The following RFC3 variants were observed in gnomAD, a reference collection of about 807,000 sequenced individuals.
RFC3 encodes replication factor C subunit 3, also known as A1 38 kDa subunit.
A neutral mutation model predicts 45.1 loss-of-function variants in RFC3; 41 were observed. The ratio of observed to expected loss-of-function variants is 0.91; its 90% CI spans 0.71 to 1.18. RFC3 has a LOEUF of 1.18. RFC3 is among the 50% of genes most tolerant of loss of function. RFC3 has a pLI of 0.00. For synonymous variants in RFC3, 149 were observed against 144.0 expected, an observed-to-expected ratio of 1.03 and a Z score of -0.25; for missense variants, 423 against 428.1, an observed-to-expected ratio of 0.99 and a Z score of 0.10.
intron 8 of RFC3, among the ~76,000 whole-genome samples, chr13:33,944,966 C>T (rs905220079): frequency 6.6e-6 from 1 of 152,118 alleles, no homozygotes; most frequent in African/African-American, 2.4e-5. Context: ...CCAAAGGGCT[C>T]CCAGGCATAA....
intron 2 of RFC3, among the ~76,000 whole-genome samples, chr13:33,822,828 A>G (rs182460927): frequency 6.6e-5 from 10 of 152,306 alleles, no homozygotes; most frequent in Admixed American, 5.2e-4. Flanking sequence ...CATGGAAACT[A>G]TAGAAGAAAA....
At chr13:33,870,724 G>C (rs760246307) in intron 8 of RFC3, among the ~76,000 whole-genome samples, 1 of 152,092 alleles carries the variant, frequency 6.6e-6, no homozygotes, top group Admixed American at 6.5e-5. Flanking sequence ...ACCTAAGGTA[G>C]GACCATTGTT....
intron 8 of RFC3, among the ~76,000 whole-genome samples, chr13:33,929,944 T>G (rs1438234206): frequency 2.6e-5 from 4 of 152,160 alleles, no homozygotes; most frequent in Non-Finnish European, 4.4e-5. Flanking sequence ...AAGTTCTTAA[T>G]GTAGCTTGCC....
At chr13:33,901,095 A>G (rs1244750548) in intron 8 of RFC3, among the ~76,000 whole-genome samples, 9 of 152,000 alleles carry the variant, frequency 5.9e-5, no homozygotes, top group Non-Finnish European at 1.0e-4. Flanking sequence ...TGCCGGTGGA[A>G]ATGTAAATTA....
At chr13:33,844,598 CATT>C (rs2082224245) in intron 8 of RFC3, among the ~76,000 whole-genome samples, 1 of 152,114 alleles carries the variant, frequency 6.6e-6, no homozygotes, top group Non-Finnish European at 1.5e-5. Context: ...TAATATAACT[CATT>C]ATTTTAAACT....
At chr13:33,885,290 C>G (rs926098555) in intron 8 of RFC3, among the ~76,000 whole-genome samples, 3 of 151,502 alleles carry the variant, frequency 2.0e-5, no homozygotes, top group Non-Finnish European at 4.4e-5. Context: ...AGGAAAAAAA[C>G]TTGATCTAAT....
chr13:33,830,689 A>G lies in RFC3; in HGVS notation c.574-30A>G, dbSNP rs562185084. Reference sequence around the variant, plus strand: ...TGAATCTTAATCTGCTTTTTAATGGATTGCCCATTTTTGTTAATTTTATTT... The same window carrying G: ...TGAATCTTAATCTGCTTTTTAATGGGTTGCCCATTTTTGTTAATTTTATTT... On this transcript the variant is annotated intron_variant, in intron 5 of 8. Transcript: ENST00000380071. 16 of 1,583,364 alleles carry G rather than the reference A, an allele frequency of 1.0e-5. No homozygotes were observed. The Admixed American group carries it at 2.6e-4, about 26-fold the overall frequency.
chr13:33,966,172 T>G, exon 9 of RFC3: 1 of 1,470,566 alleles, frequency 6.8e-7, no homozygotes, highest in East Asian at 2.3e-5. Flanking sequence ...CTCTCATCTT[T>G]TAGCATGTGA....
intron 8 of RFC3, among the ~76,000 whole-genome samples, chr13:33,872,772 CA>C (rs1040475028): frequency 2.6e-5 from 3 of 116,114 alleles, no homozygotes; most frequent in Non-Finnish European, 5.2e-5. Flanking sequence ...CAAAACAGAA[CA>C]AAAAAAGAAA....
chr13:33,818,373 G>C (rs926210461), intron 1 of RFC3, 108 bp downstream of exon 1: 1 of 796,148 alleles, frequency 1.3e-6, no homozygotes, highest in African/African-American at 1.7e-5. Context: ...AAGGTGATAA[G>C]TGCTATGGAG....
intron 8 of RFC3, among the ~76,000 whole-genome samples, chr13:33,897,624 T>C (rs1200433048): frequency 6.6e-6 from 1 of 151,738 alleles, no homozygotes; most frequent in Non-Finnish European, 1.5e-5. Flanking sequence ...AGGCATAGAG[T>C]GGCAGAAGGG....
At chr13:33,910,793 A>G (rs9570583) in intron 8 of RFC3, among the ~76,000 whole-genome samples, 19,204 of 152,058 alleles carry the variant, frequency 0.13, 2,599 homozygotes, top group African/African-American at 0.35. Context: ...CTGTACAGGA[A>G]TCATGATGCT....
chr13:33,829,677 A>C (rs1337375162), intron 4 of RFC3, 159 bp from the exon 5 acceptor site: 6 of 648,164 alleles, frequency 9.3e-6, no homozygotes, highest in East Asian at 5.5e-5. Flanking sequence ...ATAATAAAGT[A>C]ATTTTACCAT....
At chr13:33,888,731 T>G (rs1354760140) in intron 8 of RFC3, among the ~76,000 whole-genome samples, 1 of 151,698 alleles carries the variant, frequency 6.6e-6, no homozygotes, top group East Asian at 1.9e-4. Context: ...TAGCAAATAT[T>G]TATTTTAAAG....
At chr13:33,964,929 G>A (rs1407012376) in intron 8 of RFC3, among the ~76,000 whole-genome samples, 1 of 152,188 alleles carries the variant, frequency 6.6e-6, no homozygotes, top group Non-Finnish European at 1.5e-5. Flanking sequence ...AGGAGGGAGT[G>A]TAAACCTGGA....
At chr13:33,872,986 A>T (rs919630539) in intron 8 of RFC3, among the ~76,000 whole-genome samples, 1 of 152,164 alleles carries the variant, frequency 6.6e-6, no homozygotes, top group African/African-American at 2.4e-5. Context: ...GTTGGGCTAA[A>T]CAACCTAGGC....
rs143291545 is a variant in RFC3 at position 33,888,179 on chromosome 13, G to C, written c.879+52962G>C. Among the ~76,000 whole-genome samples, 23 of 152,320 alleles carry C rather than the reference G, an allele frequency of 1.5e-4. No individual in the cohort carries two copies. The East Asian group carries it at 4.2e-3, about 28-fold the overall frequency. On this transcript the variant is annotated intron_variant, in intron 8 of 8. Coordinates refer to the RFC3 transcript ENST00000434425. ...AATTCTGTGAAGAAAGTCATTGGTAGCTTGATGGGGTGAAAGCATCATAAC... is the reference window on the plus strand; with the variant it reads ...AATTCTGTGAAGAAAGTCATTGGTACCTTGATGGGGTGAAAGCATCATAAC...
chr13:33,906,284 G>T (rs896201696), intron 8 of RFC3, among the ~76,000 whole-genome samples: 1 of 151,828 alleles, frequency 6.6e-6, no homozygotes, highest in Non-Finnish European at 1.5e-5. Context: ...AATCAAGAGA[G>T]ATTGATTGGT....
intron 4 of RFC3, among the ~76,000 whole-genome samples, chr13:33,828,052 G>A (rs1243824702): frequency 6.6e-6 from 1 of 152,132 alleles, no homozygotes; most frequent in African/African-American, 2.4e-5. Flanking sequence ...GGGAGCTGAG[G>A]TGGGAAGATT....
Sources: allele counts gnomAD v4.1 joint callset (sites outside exome capture counted in the v4.1 genomes callset), GRCh38; gene constraint gnomAD v4.1.1; transcripts MANE v1.5; gene names NCBI Gene and HGNC (gene_info 2026-07-23, HGNC 2026-07-21).